Variants in OSBPL1A observed in about 807,000 individuals in gnomAD.
OSBPL1A encodes oxysterol-binding protein-related protein 1.
In OSBPL1A, 80 loss-of-function variants were observed where a neutral mutation model predicts 137.1. The ratio of observed to expected loss-of-function variants is 0.58; its 90% CI spans 0.49 to 0.70. OSBPL1A has a LOEUF of 0.70. OSBPL1A is among the 30% of genes least tolerant of loss of function. The pLI is 0.00. For synonymous variants in OSBPL1A, 365 were observed against 389.7 expected (o/e 0.94, Z 0.75); for missense variants, 970 against 1,129.4 (o/e 0.86, Z 2.02).
At chr18:24,213,903 T>C (rs7241948) in intron 17 of OSBPL1A, among the ~76,000 whole-genome samples, 1 of 152,040 alleles carries the variant, frequency 6.6e-6, no homozygotes, top group African/African-American at 2.4e-5. Flanking sequence ...TTTATCACCA[T>C]AACTGGATTA....
chr18:24,383,626 C>T (rs1215336013), intron 1 of OSBPL1A, among the ~76,000 whole-genome samples: 1 of 152,158 alleles, frequency 6.6e-6, no homozygotes, highest in Non-Finnish European at 1.5e-5. Context: ...CATGGTGACT[C>T]ACCTGTAGTC....
chr18:24,226,736 T>C (rs4281802), intron 16 of OSBPL1A, among the ~76,000 whole-genome samples: 142,436 of 152,172 alleles, frequency 0.94, 66,839 homozygotes, highest in Middle Eastern at 0.98. Flanking sequence ...AATGCACCTT[T>C]GGCTCTCAAC....
chr18:24,168,529 T>G lies in OSBPL1A; in HGVS notation c.2419-1084A>C, dbSNP rs1032261474. ...GCTAGTGCTGTATGTATGCAGTCTT[T>G]ATGCAGCAATCCCTCGAGGAGAGGT... On this transcript the variant is annotated intron_variant, in intron 24 of 27. Coordinates refer to ENST00000319481, the MANE Select transcript of OSBPL1A (RefSeq NM_080597.4). Among the ~76,000 whole-genome samples the G allele has an allele frequency of 2.0e-5, 3 of 152,294 alleles. No individual in the cohort carries two copies. In the South Asian group the frequency reaches 6.2e-4, roughly 32 times the overall value.
intron 20 of OSBPL1A, 21 bp from the exon 21 acceptor site, chr18:24,178,216 A>AG (rs765789131): frequency 1.3e-6 from 2 of 1,522,076 alleles, no homozygotes; most frequent in African/African-American, 2.8e-5. Flanking sequence ...AAAAAAAAAA[A>AG]AAAAGAAAAA....
chr18:24,281,836 G>C (rs1365481815), intron 14 of OSBPL1A, among the ~76,000 whole-genome samples: 2 of 152,186 alleles, frequency 1.3e-5, no homozygotes, highest in Non-Finnish European at 2.9e-5. Flanking sequence ...GACTGGTACT[G>C]GTCTGTGGTC....
At chr18:24,317,648 G>C (rs914602490) in intron 9 of OSBPL1A, among the ~76,000 whole-genome samples, 4 of 152,146 alleles carry the variant, frequency 2.6e-5, no homozygotes, top group African/African-American at 9.7e-5. Flanking sequence ...TTATGGTTCT[G>C]ACAAAACTGT....
At chr18:24,225,019 A>G in intron 17 of OSBPL1A, 23 bp downstream of exon 17, 1 of 1,613,140 alleles carries the variant, frequency 6.2e-7, no homozygotes, top group East Asian at 2.2e-5. Flanking sequence ...CGCAGCAGTG[A>G]CAACTGTCAG....
chr18:24,362,717 C>CA (rs1316182431), intron 4 of OSBPL1A, among the ~76,000 whole-genome samples: 1 of 151,856 alleles, frequency 6.6e-6, no homozygotes, highest in African/African-American at 2.4e-5. Flanking sequence ...TTTAAATAAT[C>CA]AAAAAAACAT....
At chr18:24,201,169 C>A (rs750966879) in intron 17 of OSBPL1A, among the ~76,000 whole-genome samples, 13 of 152,072 alleles carry the variant, frequency 8.5e-5, no homozygotes, top group Non-Finnish European at 1.8e-4. Context: ...AGTGATATGT[C>A]CTGGTTCTAT....
chr18:24,289,832 G>A (rs1426570463), intron 14 of OSBPL1A, among the ~76,000 whole-genome samples: 1 of 152,034 alleles, frequency 6.6e-6, no homozygotes, highest in African/African-American at 2.4e-5. Context: ...CTGTGCCTCA[G>A]TCAACTTACC....
chr18:24,271,613 C>T lies in OSBPL1A; in HGVS notation c.1281+9229G>A, dbSNP rs2089719179. 1.0e-6 allele frequency: 1 copy of T among 986,374 alleles called. No homozygotes were observed. The highest frequency in any genetic ancestry group is 1.2e-6 in the Non-Finnish European group (1 of 830,696). 61.1% of individuals were successfully genotyped at this position (986,374 alleles called of 1,614,324 possible). A position where few individuals can be genotyped will look rare whatever the true frequency, so the allele number is the denominator to read the frequency against. ...GCAAAGCCACCGAGCTGCAAATACA[C>T]CCACCTACCTGGGCCAGATCCGAGG... On this transcript the variant is annotated intron_variant, in intron 15 of 27. Transcript: ENST00000319481. This position sits in a 1 kb window ranked among gnomAD's most constrained non-coding sequence, Gnocchi z 4.0.
intron 5 of OSBPL1A, among the ~76,000 whole-genome samples, chr18:24,337,423 A>AC (rs1568036781): frequency 7.6e-4 from 116 of 151,824 alleles, no homozygotes; most frequent in African/African-American, 2.6e-3. Context: ...ACATAACATA[A>AC]AGCCAGGCAT....
intron 17 of OSBPL1A, among the ~76,000 whole-genome samples, chr18:24,202,359 G>A (rs917413314): frequency 6.6e-6 from 1 of 152,208 alleles, no homozygotes; most frequent in Non-Finnish European, 1.5e-5. Context: ...CAGTTTTTAA[G>A]AATTTTTTAA....
At chr18:24,340,874 T>C (rs1302676364) in intron 5 of OSBPL1A, among the ~76,000 whole-genome samples, 1 of 152,248 alleles carries the variant, frequency 6.6e-6, no homozygotes, top group Admixed American at 6.5e-5. Flanking sequence ...CTTACTGTCC[T>C]GCACTTCTGT....
At chr18:24,296,715 G>C (rs552563179) in intron 14 of OSBPL1A, among the ~76,000 whole-genome samples, 2 of 152,038 alleles carry the variant, frequency 1.3e-5, no homozygotes, top group Admixed American at 6.6e-5. Flanking sequence ...TAACATAAAG[G>C]GATGCTGGAT....
intron 15 of OSBPL1A, among the ~76,000 whole-genome samples, chr18:24,249,239 G>A (rs141692069): frequency 3.9e-4 from 59 of 152,310 alleles, no homozygotes; most frequent in African/African-American, 1.4e-3. Flanking sequence ...ATTCCTAAAA[G>A]TACTATGCAC....
At chr18:24,285,445 T>C (rs1179426001) in intron 14 of OSBPL1A, among the ~76,000 whole-genome samples, 1 of 152,228 alleles carries the variant, frequency 6.6e-6, no homozygotes, top group African/African-American at 2.4e-5. Flanking sequence ...TATAGGTTGG[T>C]TGATTAGGGC....
At chr18:24,181,046 C>T in intron 19 of OSBPL1A, 99 bp downstream of exon 19, 1 of 1,406,298 alleles carries the variant, frequency 7.1e-7, no homozygotes, top group African/African-American at 1.4e-5. Flanking sequence ...CCCAACCTCA[C>T]ATTGAATTTA....
chr18:24,232,275 G>A (rs1386612864), intron 16 of OSBPL1A, among the ~76,000 whole-genome samples: 1 of 152,170 alleles, frequency 6.6e-6, no homozygotes, highest in Non-Finnish European at 1.5e-5. Context: ...TCCAGAGGGG[G>A]CTGCCAAGAG....
Sources: gnomAD v4.1 joint callset for allele counts (sites outside exome capture counted in the v4.1 genomes callset) on GRCh38, gnomAD v4.1.1 for gene constraint, Gnocchi (gnomAD v3.1) non-coding constraint, MANE v1.5 for transcripts, NCBI Gene and HGNC (gene_info 2026-07-23, HGNC 2026-07-21) for gene names.